POU6F2: variants seen among roughly 807,000 people sequenced by gnomAD.
POU6F2 encodes the protein POU class 6 homeobox 2, also known as POU domain, class 6, transcription factor 2.
POU6F2 carries 31 observed loss-of-function variants against 71.3 expected under a neutral mutation model. The ratio of observed to expected loss-of-function variants is 0.43; its 90% CI spans 0.33 to 0.59. The LOEUF is 0.59. Ranked by LOEUF, POU6F2 falls within the 20% of genes least tolerant of loss-of-function variation. The probability of loss-of-function intolerance (pLI) is 0.04; values close to 1 mark genes in which losing one functional copy is unlikely to be tolerated. For missense variants in POU6F2, 783 were observed against 856.8 expected, an observed-to-expected ratio of 0.91 and a Z score of 1.07; for synonymous variants, 347 against 355.7, an observed-to-expected ratio of 0.98 and a Z score of 0.27.
At chr7:39,375,876 G>T (rs913305250) in intron 5 of POU6F2, among the ~76,000 whole-genome samples, 1 of 152,018 alleles carries the variant, frequency 6.6e-6, no homozygotes, top group African/African-American at 2.4e-5. Flanking sequence ...TGTTGTTGTT[G>T]TTTCTCTCTG....
At chr7:39,044,420 G>A (rs1172869212) in intron 1 of POU6F2, among the ~76,000 whole-genome samples, 1 of 151,818 alleles carries the variant, frequency 6.6e-6, no homozygotes, top group Non-Finnish European at 1.5e-5. Flanking sequence ...ATTCTTTCTG[G>A]AGCTTACCCA....
At chr7:38,989,801 T>G (rs1293673243) in intron 1 of POU6F2, among the ~76,000 whole-genome samples, 6 of 143,054 alleles carry the variant, frequency 4.2e-5, no homozygotes, top group African/African-American at 1.5e-4. Context: ...CTGTGTGTGT[T>G]TGTGTGTGTG....
At chr7:39,205,138 C>T (rs1052378252) in intron 3 of POU6F2, among the ~76,000 whole-genome samples, 6 of 151,930 alleles carry the variant, frequency 3.9e-5, no homozygotes, top group African/African-American at 7.3e-5. Context: ...CCTCAGATCC[C>T]GTAGTCCATC....
chr7:39,429,467 C>T (rs1029106430), intron 6 of POU6F2, among the ~76,000 whole-genome samples: 11 of 152,142 alleles, frequency 7.2e-5, no homozygotes, highest in African/African-American at 2.7e-4. Context: ...TCATTTCCAC[C>T]CTTGGATTGT....
At chr7:39,155,166 A>T (rs371214024) in intron 2 of POU6F2, among the ~76,000 whole-genome samples, 7 of 146,900 alleles carry the variant, frequency 4.8e-5, no homozygotes, top group African/African-American at 1.5e-4. Context: ...AAGAAAAAGC[A>T]TTTGGGGGTT....
chr7:39,105,895 G>A (rs1241431212), intron 2 of POU6F2, among the ~76,000 whole-genome samples: 2 of 152,206 alleles, frequency 1.3e-5, no homozygotes, highest in Admixed American at 1.3e-4. Flanking sequence ...ATGGAACCTA[G>A]TTGGATGCCA....
chr7:39,419,373 G>C (rs753030399), intron 6 of POU6F2, among the ~76,000 whole-genome samples: 1 of 151,394 alleles, frequency 6.6e-6, no homozygotes, highest in African/African-American at 2.4e-5. Flanking sequence ...TGAGTAGCTG[G>C]GATTACAGGC....
intron 4 of POU6F2, among the ~76,000 whole-genome samples, chr7:39,260,982 TCA>T (rs201790210): frequency 0.018 from 2,642 of 150,780 alleles, 70 homozygotes; most frequent in African/African-American, 0.061. Context: ...ACCATTCATA[TCA>T]CACACACATC....
chr7:39,263,989 G>A (rs1213271574), intron 4 of POU6F2, among the ~76,000 whole-genome samples: 1 of 152,202 alleles, frequency 6.6e-6, no homozygotes, highest in Non-Finnish European at 1.5e-5. Context: ...GACTTCCAAT[G>A]TCAACTTGCT....
intron 2 of POU6F2, among the ~76,000 whole-genome samples, chr7:39,139,371 A>C (rs1792451958): frequency 1.3e-5 from 2 of 152,114 alleles, no homozygotes. Context: ...TTTGCTGTTG[A>C]TTTTATGAGT....
chr7:39,443,251 A>C (rs2237380), intron 7 of POU6F2, among the ~76,000 whole-genome samples: 50,580 of 152,090 alleles, frequency 0.33, 9,352 homozygotes, highest in East Asian at 0.58. Flanking sequence ...GTACCTTGCA[A>C]ATCCAACAAA....
intron 5 of POU6F2, among the ~76,000 whole-genome samples, chr7:39,354,955 G>A (rs1562800868): frequency 1.3e-5 from 2 of 152,188 alleles, no homozygotes; most frequent in Non-Finnish European, 2.9e-5. Flanking sequence ...CCATATGATA[G>A]GTTGCCTAAA....
At chr7:39,306,414 G>A (rs547261778) in intron 4 of POU6F2, among the ~76,000 whole-genome samples, 1 of 152,268 alleles carries the variant, frequency 6.6e-6, no homozygotes, top group South Asian at 2.1e-4. Flanking sequence ...CTTGCTTTAT[G>A]GATGAGGAAA....
chr7:39,153,826 C>T (rs1021457668), intron 2 of POU6F2, among the ~76,000 whole-genome samples: 8 of 152,154 alleles, frequency 5.3e-5, no homozygotes, highest in South Asian at 4.1e-4. Flanking sequence ...AGAAGCCTTG[C>T]GGGCAAAGGG....
chr7:39,084,836 T>G (rs998950086), intron 1 of POU6F2, among the ~76,000 whole-genome samples: 1 of 152,128 alleles, frequency 6.6e-6, no homozygotes, highest in South Asian at 2.1e-4. Context: ...GGCATGAACT[T>G]GGCAATAAAT....
At chr7:39,438,476 G>A (rs1224687553) in intron 7 of POU6F2, among the ~76,000 whole-genome samples, 1 of 152,182 alleles carries the variant, frequency 6.6e-6, no homozygotes, top group Non-Finnish European at 1.5e-5. Flanking sequence ...TGGGATGGCT[G>A]GGCTGAAATG....
chr7:39,235,872 A>G (rs530611767), intron 4 of POU6F2, among the ~76,000 whole-genome samples: 1 of 152,286 alleles, frequency 6.6e-6, no homozygotes, highest in Admixed American at 6.5e-5. Context: ...TACCTCCTGG[A>G]TCACACAGAT....
chr7:39,154,881 C>T (rs1792837953), intron 2 of POU6F2, among the ~76,000 whole-genome samples: 1 of 152,108 alleles, frequency 6.6e-6, no homozygotes, highest in South Asian at 2.1e-4. Flanking sequence ...CTGTAGTAAT[C>T]CCATGGCCCG....
At chr7:39,096,095 C>T (rs1184106690) in intron 2 of POU6F2, among the ~76,000 whole-genome samples, 2 of 152,116 alleles carry the variant, frequency 1.3e-5, no homozygotes, top group Non-Finnish European at 2.9e-5. Flanking sequence ...GAAATAACCA[C>T]GATGAGTAAC....
Sources: gnomAD v4.1 joint callset for allele counts (sites outside exome capture counted in the v4.1 genomes callset) on GRCh38, gnomAD v4.1.1 for gene constraint, MANE v1.5 for transcripts, NCBI Gene and HGNC (gene_info 2026-07-23, HGNC 2026-07-21) for gene names.